C8orf34: variants seen among roughly 807,000 people sequenced by gnomAD.
The protein encoded by C8orf34 is chromosome 8 open reading frame 34.
Under a neutral mutation model 68.3 loss-of-function variants are expected in C8orf34, and 65 were observed. The ratio of observed to expected loss-of-function variants is 0.95; its 90% CI spans 0.78 to 1.17. The LOEUF (loss-of-function observed/expected upper bound fraction) is 1.17. Ranked by LOEUF, C8orf34 falls within the 50% of genes most tolerant of loss-of-function variation. The pLI is 0.00. For missense variants in C8orf34, 664 were observed against 655.4 expected (o/e 1.01, Z -0.14); for synonymous variants, 244 against 241.2 (o/e 1.01, Z -0.11).
At chr8:68,442,571 C>A (rs141564016) in intron 2 of C8orf34, among the ~76,000 whole-genome samples, 197 of 152,124 alleles carry the variant, frequency 1.3e-3, no homozygotes, top group African/African-American at 4.2e-3. Context: ...GAGGTTCAGA[C>A]AGAGAAAGCC....
intron 7 of C8orf34, among the ~76,000 whole-genome samples, chr8:68,569,105 C>T (rs920536052): frequency 7.2e-5 from 11 of 152,308 alleles, no homozygotes; most frequent in African/African-American, 2.6e-4. Flanking sequence ...GATTTATTGA[C>T]TCTTATAGAG....
chr8:68,370,447 C>T (rs902891754), intron 1 of C8orf34, among the ~76,000 whole-genome samples: 6 of 152,156 alleles, frequency 3.9e-5, no homozygotes, highest in African/African-American at 9.7e-5. Context: ...TTACTGCCCT[C>T]CCTGGTCTTC....
At chr8:68,657,085 T>TC (rs1819530570) in intron 8 of C8orf34, among the ~76,000 whole-genome samples, 1 of 152,172 alleles carries the variant, frequency 6.6e-6, no homozygotes, top group East Asian at 1.9e-4. Context: ...CCTATGAATG[T>TC]CCCTCATATG....
At chr8:68,535,210 A>G (rs1295342649) in intron 7 of C8orf34, 1 of 981,432 alleles carries the variant, frequency 1.0e-6, no homozygotes, top group Non-Finnish European at 1.2e-6. Flanking sequence ...GTTCTTGGAA[A>G]TTTATGTGAA....
intron 1 of C8orf34, among the ~76,000 whole-genome samples, chr8:68,402,693 T>C (rs1809010827): frequency 6.6e-6 from 1 of 152,214 alleles, no homozygotes; most frequent in Admixed American, 6.6e-5. Flanking sequence ...TTTCCATTTA[T>C]TAATTTCCAA....
At chr8:68,699,920 G>A (rs1308129825) in intron 8 of C8orf34, among the ~76,000 whole-genome samples, 8 of 152,076 alleles carry the variant, frequency 5.3e-5, no homozygotes, top group African/African-American at 1.9e-4. Context: ...AAATTTAACA[G>A]GAAAGAGGAT....
chr8:68,531,383 C>T (rs148126024), intron 6 of C8orf34, among the ~76,000 whole-genome samples: 33 of 152,100 alleles, frequency 2.2e-4, no homozygotes, highest in African/African-American at 8.0e-4. Context: ...CAGTCCTCTG[C>T]CTTTTGTTTC....
intron 3 of C8orf34, among the ~76,000 whole-genome samples, chr8:68,464,547 C>G (rs1051554468): frequency 2.0e-5 from 3 of 152,212 alleles, no homozygotes; most frequent in South Asian, 4.2e-4. Flanking sequence ...TGACTTCAAA[C>G]TATACTACAA....
chr8:68,701,025 C>T (rs930950439), intron 8 of C8orf34, among the ~76,000 whole-genome samples: 1 of 152,134 alleles, frequency 6.6e-6, no homozygotes, highest in Non-Finnish European at 1.5e-5. Context: ...AAAACCAAAA[C>T]TGTTTAATGT....
At chr8:68,431,199 T>TC (rs1390241065) in intron 1 of C8orf34, among the ~76,000 whole-genome samples, 1 of 152,214 alleles carries the variant, frequency 6.6e-6, no homozygotes, top group Admixed American at 6.5e-5. Flanking sequence ...GTGTATGTAC[T>TC]AGTGTTCAGC....
intron 9 of C8orf34, among the ~76,000 whole-genome samples, chr8:68,713,574 G>A (rs1409089431): frequency 6.6e-6 from 1 of 151,866 alleles, no homozygotes; most frequent in African/African-American, 2.4e-5. Flanking sequence ...ATAAATTCCT[G>A]GAAATATACA....
chr8:68,680,113 AAC>A, intron 8 of C8orf34, among the ~76,000 whole-genome samples: 1 of 152,314 alleles, frequency 6.6e-6, no homozygotes, highest in African/African-American at 2.4e-5. Context: ...CAGCAAAGGA[AAC>A]AATCAACAAA....
intron 9 of C8orf34, among the ~76,000 whole-genome samples, chr8:68,710,177 T>C (rs1821291199): frequency 6.6e-6 from 1 of 152,000 alleles, no homozygotes; most frequent in Admixed American, 6.6e-5. Context: ...GAAACTCACA[T>C]CGTGAACTTT....
intron 7 of C8orf34, among the ~76,000 whole-genome samples, chr8:68,581,504 C>T (rs1295031538): frequency 6.6e-6 from 1 of 151,826 alleles, no homozygotes; most frequent in Non-Finnish European, 1.5e-5. Context: ...TGACAAGGGA[C>T]CATATTTTAG....
intron 8 of C8orf34, among the ~76,000 whole-genome samples, chr8:68,647,129 A>C (rs563071573): frequency 1.3e-5 from 2 of 152,322 alleles, no homozygotes; most frequent in African/African-American, 4.8e-5. Flanking sequence ...AAAATGGGCA[A>C]AGGATTGAAA....
At chr8:68,469,235 C>T (rs564968227) in intron 4 of C8orf34, among the ~76,000 whole-genome samples, 15 of 151,928 alleles carry the variant, frequency 9.9e-5, no homozygotes, top group Non-Finnish European at 2.2e-4. Flanking sequence ...CCAAATTCTT[C>T]TTAGAATCTT....
intron 8 of C8orf34, among the ~76,000 whole-genome samples, chr8:68,660,809 A>G (rs1423437730): frequency 6.6e-6 from 1 of 152,068 alleles, no homozygotes; most frequent in Non-Finnish European, 1.5e-5. Context: ...GCCTTGCAAG[A>G]CACCTTCCAA....
intron 1 of C8orf34, among the ~76,000 whole-genome samples, chr8:68,358,340 CTT>C (rs901661544): frequency 5.9e-5 from 9 of 152,024 alleles, no homozygotes; most frequent in Non-Finnish European, 1.3e-4. Flanking sequence ...GCCTTAGAGA[CTT>C]TGCACAGTCT....
intron 1 of C8orf34, among the ~76,000 whole-genome samples, chr8:68,436,024 A>T (rs1275928994): frequency 1.3e-5 from 2 of 152,192 alleles, no homozygotes; most frequent in Non-Finnish European, 2.9e-5. Flanking sequence ...CCTGGCCAAC[A>T]TGGAAAACCC....
Sources: gnomAD v4.1 joint callset for allele counts (sites outside exome capture counted in the v4.1 genomes callset) on GRCh38, gnomAD v4.1.1 for gene constraint, MANE v1.5 for transcripts, NCBI Gene and HGNC (gene_info 2026-07-23, HGNC 2026-07-21) for gene names.